ABCA1: variants seen among roughly 807,000 people sequenced by gnomAD.
ABCA1 encodes the protein ATP binding cassette subfamily A member 1, also known as phospholipid-transporting ATPase ABCA1.
ABCA1 carries 133 observed loss-of-function variants against 262.5 expected under a neutral mutation model. The ratio of observed to expected loss-of-function variants is 0.51; its 90% confidence interval spans 0.44 to 0.59. The LOEUF (loss-of-function observed/expected upper bound fraction) is 0.59, where lower values mean the gene tolerates loss of function less well. Among genes scored for constraint, ABCA1 ranks in the 20% least tolerant of loss-of-function variants. The pLI is 0.00. For missense variants in ABCA1, 2,452 were observed against 2,777.5 expected, an observed-to-expected ratio of 0.88 and a Z score of 2.63; for synonymous variants, 1,022 against 1,043.5, an observed-to-expected ratio of 0.98 and a Z score of 0.40.
chr9:104,804,504 C>G, intron 32 of ABCA1, 122 bp downstream of exon 32: 1 of 838,074 alleles, frequency 1.2e-6, no homozygotes. Flanking sequence ...TCCTAAACTT[C>G]CAATAGACAG....
At position 104,785,631 on chromosome 9, in the gene ABCA1, T is replaced by C. The variant is rs1232139387; in HGVS notation, c.6410A>G (p.Asp2137Gly). 8 of 1,613,758 alleles carry C rather than the reference T, an allele frequency of 5.0e-6. No individual in the cohort carries two copies. Among genetic ancestry groups the C allele is most frequent in the Non-Finnish European group, 6.8e-6 (8 of 1,179,968 alleles). ...TATTCGTACAACTATTGTATAACCA[T>C]CTCCAAACCTGAAAGCAGGAAAAAA... ...SVQHLKNRFG[D>G]GYTIVVRIAG... Residue 2137 changes from aspartate to glycine, a missense_variant, in exon 49 of 50, where the codon GAT becomes GGT. By Grantham distance (94) the Asp-to-Gly change is moderately conservative (BLOSUM62 -1). Transcript: ENST00000374736.
At chr9:104,896,818 C>G (rs1840274501) in intron 2 of ABCA1, among the ~76,000 whole-genome samples, 1 of 135,436 alleles carries the variant, frequency 7.4e-6, no homozygotes, top group Admixed American at 8.5e-5. Context: ...GCAGCCTTGA[C>G]CACCTGGACT....
At chr9:104,914,366 T>C (rs1441688870) in intron 1 of ABCA1, among the ~76,000 whole-genome samples, 1 of 151,668 alleles carries the variant, frequency 6.6e-6, no homozygotes, top group Non-Finnish European at 1.5e-5. Context: ...TAATCTCAGC[T>C]ACTCAGGAGG....
intron 2 of ABCA1, among the ~76,000 whole-genome samples, chr9:104,894,733 C>T (rs1168852652): frequency 6.6e-6 from 1 of 152,214 alleles, no homozygotes; most frequent in African/African-American, 2.4e-5. Flanking sequence ...ATACAGACAC[C>T]TGCTCTCTCA....
intron 7 of ABCA1, among the ~76,000 whole-genome samples, chr9:104,857,146 A>T (rs927553349): frequency 6.6e-6 from 1 of 152,164 alleles, no homozygotes; most frequent in East Asian, 1.9e-4. Context: ...TCTACTAAAA[A>T]TACAAAAAAT....
chr9:104,808,667 G>C (rs1831005778), intron 30 of ABCA1, among the ~76,000 whole-genome samples: 1 of 152,202 alleles, frequency 6.6e-6, no homozygotes, highest in South Asian at 2.1e-4. Context: ...TCACTGTTCT[G>C]TGGTGTGCAG....
At chr9:104,888,838 A>C (rs2515627) in intron 3 of ABCA1, among the ~76,000 whole-genome samples, 1 of 152,238 alleles carries the variant, frequency 6.6e-6, no homozygotes, top group Non-Finnish European at 1.5e-5. Flanking sequence ...ATTATCAGTA[A>C]GGTTATTCTA....
At chr9:104,888,681 A>G (rs1839437842) in intron 3 of ABCA1, among the ~76,000 whole-genome samples, 1 of 152,202 alleles carries the variant, frequency 6.6e-6, no homozygotes, top group South Asian at 2.1e-4. Context: ...ATAAAATAAT[A>G]TTAGTAAAAC....
intron 1 of ABCA1, among the ~76,000 whole-genome samples, chr9:104,910,899 G>C (rs1434069534): frequency 6.6e-6 from 1 of 151,928 alleles, no homozygotes; most frequent in Non-Finnish European, 1.5e-5. Flanking sequence ...TAGAGACAGG[G>C]TTTCAACATG....
At chr9:104,920,435 T>C (rs1408085345) in intron 1 of ABCA1, among the ~76,000 whole-genome samples, 1 of 152,240 alleles carries the variant, frequency 6.6e-6, no homozygotes, top group Non-Finnish European at 1.5e-5. Flanking sequence ...TTATCATCTT[T>C]TTTTCTTTTC....
At position 104,827,035 on chromosome 9, in the gene ABCA1, C is replaced by T. The variant is rs1386109440; in HGVS notation, c.2250G>A (p.Gly750=). 1 of 1,614,170 alleles carries T rather than the reference C, an allele frequency of 6.2e-7. No individual in the cohort carries two copies. The highest frequency in any genetic ancestry group is 2.2e-5 in the East Asian group (1 of 44,890). Residue 750 remains glycine, a synonymous_variant, in exon 16 of 50, where the codon GGG becomes GGA. Transcript: ENST00000374736. ...FSRANLAAAC[G]GIIYFTLYLP... ...GGTACAGCGTGAAGTAGATGATGCCCCCACAGGCTGCTGCCAGGTTGGCTC... is the reference window on the plus strand; with the variant it reads ...GGTACAGCGTGAAGTAGATGATGCCTCCACAGGCTGCTGCCAGGTTGGCTC...
chr9:104,909,649 C>CAT lies in ABCA1; in HGVS notation c.-92-5879_-92-5878insAT, dbSNP rs1167256155. 6.5e-5 allele frequency among the ~76,000 whole-genome samples: 9 copies of CAT among 139,136 alleles called. 1 individual carries two copies. Among genetic ancestry groups the CAT allele is most frequent in the African/African-American group, 1.7e-4 (6 of 35,126 alleles). The allele number at this position is 139,136 out of a possible 152,430, so 91.3% of individuals were successfully genotyped here. ...ACACACACACACACACACACACACA[C>CAT]ACACATTCACAGGAAGCTGGCTGTG... On this transcript the variant is annotated intron_variant, in intron 1 of 49. Transcript: ENST00000374736.
At chr9:104,916,035 T>C (rs1841820161) in intron 1 of ABCA1, among the ~76,000 whole-genome samples, 3 of 152,064 alleles carry the variant, frequency 2.0e-5, no homozygotes, top group Non-Finnish European at 4.4e-5. Context: ...CATGCTCTGA[T>C]CATGTGAAAT....
At chr9:104,888,833 CA>C (rs1219111483) in intron 3 of ABCA1, among the ~76,000 whole-genome samples, 4 of 152,176 alleles carry the variant, frequency 2.6e-5, no homozygotes, top group African/African-American at 9.7e-5. Flanking sequence ...CTAAAATTAT[CA>C]GTAAGGTTAT....
intron 2 of ABCA1, among the ~76,000 whole-genome samples, chr9:104,891,062 T>A (rs529725540): frequency 3.3e-5 from 5 of 152,226 alleles, no homozygotes; most frequent in African/African-American, 1.2e-4. Flanking sequence ...ACATAAAATA[T>A]AATCTTAAAA....
At chr9:104,848,224 G>A (rs1478186148) in intron 7 of ABCA1, among the ~76,000 whole-genome samples, 1 of 152,288 alleles carries the variant, frequency 6.6e-6, no homozygotes, top group Admixed American at 6.5e-5. Flanking sequence ...ACTTGAATAT[G>A]ACCAAAATCA....
At chr9:104,908,593 G>A (rs575827147) in intron 1 of ABCA1, among the ~76,000 whole-genome samples, 6 of 152,152 alleles carry the variant, frequency 3.9e-5, no homozygotes, top group Non-Finnish European at 5.9e-5. Flanking sequence ...CCTGGGAGGC[G>A]GAGGTTGCAG....
chr9:104,881,135 G>A (rs1056622805), intron 5 of ABCA1, among the ~76,000 whole-genome samples: 4 of 152,056 alleles, frequency 2.6e-5, no homozygotes, highest in Middle Eastern at 3.2e-3. Flanking sequence ...GTGACAGAGC[G>A]AGGCTCTGTC....
In ABCA1 at chr9:104,812,600, G is replaced by C. The variant is rs760786920; in HGVS notation, c.4024C>G (p.Arg1342Gly). The C allele has an allele frequency of 6.2e-7, 1 of 1,614,116 alleles. No individual in the cohort carries two copies. The highest frequency in any genetic ancestry group is 1.3e-5 in the African/African-American group (1 of 75,028). Residue 1342 changes from arginine to glycine, a missense_variant, in exon 28 of 50, where the codon CGG (arginine) becomes GGG (glycine). Transcript: ENST00000374736. ...TGAGCAAAAAATCCTTTCCGACTCCGTCTGGCAATTAGCAGTCTCTTCCAC... is the reference window on the plus strand; with the variant it reads ...TGAGCAAAAAATCCTTTCCGACTCCCTCTGGCAATTAGCAGTCTCTTCCAC... Reference protein sequence around the residue: ...LLWKRLLIARRSRKGFFAQIV... With the variant: ...LLWKRLLIARGSRKGFFAQIV...
Sources: gnomAD v4.1 joint callset for allele counts (sites outside exome capture counted in the v4.1 genomes callset) on GRCh38, gnomAD v4.1.1 for gene constraint, MANE v1.5 for transcripts, NCBI Gene and HGNC (gene_info 2026-07-23, HGNC 2026-07-21) for gene names.